Variants in GDPD5 observed in about 807,000 individuals in gnomAD.
GDPD5 encodes glycerophosphodiester phosphodiesterase 2.
Under a neutral mutation model 75.1 loss-of-function variants are expected in GDPD5, and 48 were observed. That is an observed-to-expected ratio of 0.64 (90% CI 0.51 to 0.81). The LOEUF is 0.81. Among genes scored for constraint, GDPD5 ranks in the 40% least tolerant of loss-of-function variants. GDPD5 has a pLI of 0.00. For synonymous variants in GDPD5, 336 were observed against 339.0 expected (o/e 0.99, Z 0.10); for missense variants, 706 against 822.6 (o/e 0.86, Z 1.73).
chr11:75,450,773 C>T (rs1397500078), intron 6 of GDPD5: 2 of 151,672 alleles, frequency 1.3e-5, no homozygotes, highest in African/African-American at 4.9e-5. Flanking sequence ...CGCCCCTAGC[C>T]GTGGATCTCA....
intron 6 of GDPD5, chr11:75,451,282 C>T (rs905457128): frequency 4.6e-5 from 7 of 152,310 alleles, no homozygotes; most frequent in Non-Finnish European, 1.0e-4. Flanking sequence ...AGGTGAGGAG[C>T]TGGAAGGGCT....
chr11:75,453,573 G>A (rs1304168113), intron 6 of GDPD5, among the ~76,000 whole-genome samples: 2 of 150,308 alleles, frequency 1.3e-5, no homozygotes, highest in African/African-American at 4.9e-5. Flanking sequence ...AGCCAAGATC[G>A]TGCCACTGCA....
At chr11:75,510,759 C>CCCA (rs1950500904) in intron 1 of GDPD5, among the ~76,000 whole-genome samples, 1 of 151,858 alleles carries the variant, frequency 6.6e-6, no homozygotes, top group Non-Finnish European at 1.5e-5. Flanking sequence ...TCCCCCTCCC[C>CCCA]CCTCCTCCTC....
chr11:75,501,328 T>A (rs2135452947), intron 1 of GDPD5, among the ~76,000 whole-genome samples: 1 of 152,296 alleles, frequency 6.6e-6, no homozygotes, highest in East Asian at 1.9e-4. Context: ...GAGGCCCACC[T>A]CATACTTGTG....
At chr11:75,498,178 G>A (rs1446913405) in intron 1 of GDPD5, among the ~76,000 whole-genome samples, 1 of 152,186 alleles carries the variant, frequency 6.6e-6, no homozygotes, top group African/African-American at 2.4e-5. Flanking sequence ...GGGGACAGGA[G>A]AGAGTTAAGG....
Position 75,499,734 on chromosome 11 carries a change from C to T in GDPD5, c.-144-9414G>A, listed in dbSNP as rs1950272170. On this transcript the variant is annotated intron_variant, in intron 1 of 16. Coordinates refer to ENST00000336898, the MANE Select transcript of GDPD5 (RefSeq NM_030792.8). ...AACTTCCCTGTAATTGAGAGCTGGG[C>T]CCAGAGATGGGGTTGGGTGTGGCCT... 2.0e-5 allele frequency among the ~76,000 whole-genome samples: 3 copies of T among 152,170 alleles called. No individual in the cohort carries two copies. The South Asian group carries it at 6.2e-4, about 31-fold the overall frequency.
chr11:75,462,209 C>A (rs1343970682), intron 4 of GDPD5, among the ~76,000 whole-genome samples: 2 of 152,184 alleles, frequency 1.3e-5, no homozygotes, highest in Non-Finnish European at 2.9e-5. Flanking sequence ...TGAGCCCTGG[C>A]CCAGCCTTAT....
intron 6 of GDPD5, among the ~76,000 whole-genome samples, chr11:75,455,946 C>A (rs1030099674): frequency 6.6e-6 from 1 of 152,186 alleles, no homozygotes; most frequent in Non-Finnish European, 1.5e-5. Context: ...CTGCAAAGAG[C>A]ACCTTGACTG....
Position 75,441,665 on chromosome 11 carries a change from C to T in GDPD5, c.1306G>A (p.Val436Met). 6.3e-7 allele frequency: 1 copy of T among 1,592,984 alleles called. No homozygotes were observed. The change falls in exon 13 of 17, where the codon GTG becomes ATG. Residue 436 changes from valine (V) to methionine (M), a missense_variant. Physicochemically the swap from Val to Met is conservative, Grantham distance 21. Transcript: ENST00000336898. ...IQRLNLRYTQVSRQELRDYAS... is the reference protein window; with the variant it reads ...IQRLNLRYTQMSRQELRDYAS... ...AGGCACCTGAGCTCCTGGCGGGACA[C>T]CTGAGTGTAGCGCAGGTTCAGCCGC...
chr11:75,493,155 T>G (rs186911364), intron 1 of GDPD5, among the ~76,000 whole-genome samples: 1 of 151,858 alleles, frequency 6.6e-6, no homozygotes. Flanking sequence ...CATTGTATGA[T>G]AGAGAACTCT....
At chr11:75,463,324 A>G (rs1254117544) in intron 3 of GDPD5, among the ~76,000 whole-genome samples, 1 of 152,170 alleles carries the variant, frequency 6.6e-6, no homozygotes, top group African/African-American at 2.4e-5. Flanking sequence ...TGAGGCCCAG[A>G]GAGGCCAAGT....
intron 2 of GDPD5, among the ~76,000 whole-genome samples, chr11:75,481,609 TATACTCCAGATTTG>T (rs559958136): frequency 1.1e-3 from 163 of 152,128 alleles, no homozygotes; most frequent in African/African-American, 3.8e-3. Flanking sequence ...TCAGCTTTAC[TATACTCCAGATTTG>T]GGGAGTGCTG....
At chr11:75,474,082 C>T (rs1177051239) in intron 3 of GDPD5, among the ~76,000 whole-genome samples, 5 of 152,274 alleles carry the variant, frequency 3.3e-5, no homozygotes, top group Non-Finnish European at 7.3e-5. Context: ...TGAGAAGGCA[C>T]AGGCCTGGGG....
chr11:75,456,472 G>C (rs1949287873), intron 6 of GDPD5: 1 of 469,418 alleles, frequency 2.1e-6, no homozygotes, highest in Non-Finnish European at 3.9e-6. Context: ...GTTTAAACTG[G>C]GAGACCTTAG....
intron 2 of GDPD5, among the ~76,000 whole-genome samples, chr11:75,483,763 T>C (rs1301373234): frequency 6.6e-6 from 1 of 152,192 alleles, no homozygotes; most frequent in Non-Finnish European, 1.5e-5. Context: ...TATGATTCCA[T>C]GTATAAGAAA....
At chr11:75,520,788 G>C (rs938940407) in intron 1 of GDPD5, among the ~76,000 whole-genome samples, 6 of 152,242 alleles carry the variant, frequency 3.9e-5, no homozygotes, top group Admixed American at 3.9e-4. Flanking sequence ...GCAAAGGGAG[G>C]AGAAGCTGGC....
At chr11:75,451,274 G>C in intron 6 of GDPD5, 1 of 152,338 alleles carries the variant, frequency 6.6e-6, no homozygotes, top group East Asian at 1.9e-4. Flanking sequence ...AGCGAGGCAG[G>C]TGAGGAGCTG....
At chr11:75,479,585 T>C (rs1336716915) in intron 2 of GDPD5, 1 of 152,216 alleles carries the variant, frequency 6.6e-6, no homozygotes, top group Non-Finnish European at 1.5e-5. Flanking sequence ...GTATTTAATA[T>C]ACAGTATTCA....
intron 2 of GDPD5, chr11:75,485,423 A>T (rs1451627820): frequency 6.6e-6 from 1 of 152,164 alleles, no homozygotes; most frequent in Non-Finnish European, 1.5e-5. Flanking sequence ...GGGAGGAGAA[A>T]GGCAGAGGAG....
Sources: allele counts gnomAD v4.1 joint callset (sites outside exome capture counted in the v4.1 genomes callset), GRCh38; gene constraint gnomAD v4.1.1; transcripts MANE v1.5; gene names NCBI Gene and HGNC (gene_info 2026-07-23, HGNC 2026-07-21).